The following TNFSF4 variants were observed in gnomAD, a reference collection of about 807,000 sequenced individuals.
TNFSF4 encodes TNF superfamily member 4, also known as tumor necrosis factor ligand superfamily member 4.
Under a neutral mutation model 7.3 loss-of-function variants are expected in TNFSF4, and 4 were observed. The ratio of observed to expected loss-of-function variants is 0.55; its 90% CI spans 0.27 to 1.25. The LOEUF (loss-of-function observed/expected upper bound fraction) is 1.25. Among genes scored for constraint, TNFSF4 ranks in the 50% most tolerant of loss-of-function variants. TNFSF4 has a pLI of 0.12. For synonymous variants in TNFSF4, 76 were observed against 83.7 expected (o/e 0.91, Z 0.50); for missense variants, 181 against 208.8 (o/e 0.87, Z 0.82).
intron 1 of TNFSF4, chr1:173,205,263 C>A: frequency 6.2e-7 from 1 of 1,605,214 alleles, no homozygotes; most frequent in Non-Finnish European, 8.5e-7. Flanking sequence ...TTGCTTCCAT[C>A]TCTGTGCCAG....
chr1:173,418,262 C>T, the TNFSF4 span: 1 of 152,222 alleles, frequency 6.6e-6, no homozygotes. Context: ...TATGAATGAA[C>T]CTGAACGTCT....
the TNFSF4 span, among the ~76,000 whole-genome samples, chr1:173,434,253 G>C: frequency 6.6e-6 from 1 of 152,104 alleles, no homozygotes; most frequent in Non-Finnish European, 1.5e-5. Context: ...ATATTTTCTT[G>C]TCTTGTATCT....
chr1:173,326,471 CT>C, the TNFSF4 span, among the ~76,000 whole-genome samples: 1 of 152,142 alleles, frequency 6.6e-6, no homozygotes, highest in Non-Finnish European at 1.5e-5. Flanking sequence ...CAGGGATGCC[CT>C]CTCTCACCAC....
the TNFSF4 span, among the ~76,000 whole-genome samples, chr1:173,380,079 G>A: frequency 6.6e-6 from 1 of 152,172 alleles, no homozygotes; most frequent in Admixed American, 6.5e-5. Flanking sequence ...CCTTCTCAGT[G>A]TTAATCTCCT....
intron 1 of TNFSF4, among the ~76,000 whole-genome samples, chr1:173,198,051 C>T (rs1012589351): frequency 2.6e-5 from 4 of 152,140 alleles, no homozygotes; most frequent in African/African-American, 9.7e-5. Flanking sequence ...GAAATTGGCC[C>T]ATTCATCCTT....
the TNFSF4 span, among the ~76,000 whole-genome samples, chr1:173,177,620 A>G: frequency 2.6e-5 from 4 of 152,204 alleles, no homozygotes; most frequent in Non-Finnish European, 4.4e-5. Flanking sequence ...TGCAGATTCT[A>G]TATGGGAATT....
the TNFSF4 span, among the ~76,000 whole-genome samples, chr1:173,315,637 T>G: frequency 6.6e-6 from 1 of 152,182 alleles, no homozygotes; most frequent in African/African-American, 2.4e-5. Flanking sequence ...AAACGGAATC[T>G]TTGGCAATTT....
At chr1:173,173,755 A>ATGTC in the TNFSF4 span, among the ~76,000 whole-genome samples, 1 of 152,246 alleles carries the variant, frequency 6.6e-6, no homozygotes, top group African/African-American at 2.4e-5. Context: ...CAGCTGGGAC[A>ATGTC]CAGGGCACCA....
the TNFSF4 span, among the ~76,000 whole-genome samples, chr1:173,177,265 A>T: frequency 3.3e-4 from 51 of 152,338 alleles, no homozygotes; most frequent in African/African-American, 1.2e-3. Flanking sequence ...TTTGGCTGTA[A>T]AAAAGAACAA....
At chr1:173,392,876 C>G in the TNFSF4 span, among the ~76,000 whole-genome samples, 1 of 152,128 alleles carries the variant, frequency 6.6e-6, no homozygotes, top group Admixed American at 6.6e-5. Context: ...ATTACAACTC[C>G]TTAAAGAAGG....
chr1:173,433,372 A>G, the TNFSF4 span, among the ~76,000 whole-genome samples: 2 of 152,150 alleles, frequency 1.3e-5, no homozygotes, highest in Admixed American at 1.3e-4. Flanking sequence ...CCGAACAAGG[A>G]ATAAATAAGT....
chr1:173,251,083 T>C, the TNFSF4 span, among the ~76,000 whole-genome samples: 3 of 152,180 alleles, frequency 2.0e-5, no homozygotes, highest in African/African-American at 7.2e-5. Context: ...TCTTAAGCCC[T>C]ACAGGTGATT....
chr1:173,286,647 GA>G, the TNFSF4 span, among the ~76,000 whole-genome samples: 12 of 151,780 alleles, frequency 7.9e-5, no homozygotes, highest in Admixed American at 7.9e-4. Context: ...TATTCTAATA[GA>G]AAAAAATAAA....
the TNFSF4 span, among the ~76,000 whole-genome samples, chr1:173,275,661 G>A: frequency 3.3e-5 from 5 of 152,182 alleles, no homozygotes; most frequent in East Asian, 5.8e-4. Flanking sequence ...AGTTAATGCC[G>A]GCTTTCACAC....
chr1:173,284,888 A>C, the TNFSF4 span, among the ~76,000 whole-genome samples: 3 of 152,154 alleles, frequency 2.0e-5, no homozygotes, highest in Admixed American at 6.6e-5. Flanking sequence ...CAAGAAGACA[A>C]ATGTTGTTTT....
the TNFSF4 span, among the ~76,000 whole-genome samples, chr1:173,283,768 A>T: frequency 2.0e-5 from 3 of 152,122 alleles, no homozygotes; most frequent in Non-Finnish European, 2.9e-5. Flanking sequence ...CATATAGGTA[A>T]ATCTAAACAT....
At chr1:173,323,044 C>T in the TNFSF4 span, among the ~76,000 whole-genome samples, 10,061 of 152,244 alleles carry the variant, frequency 0.066, 512 homozygotes, top group Non-Finnish European at 0.098. Context: ...AGTAGTGGTT[C>T]TCCCAGCATG....
At chr1:173,231,876 G>T in the TNFSF4 span, among the ~76,000 whole-genome samples, 3 of 152,018 alleles carry the variant, frequency 2.0e-5, no homozygotes, top group Non-Finnish European at 4.4e-5. Flanking sequence ...GCTTCAAAGA[G>T]AATAAAATAA....
the TNFSF4 span, among the ~76,000 whole-genome samples, chr1:173,410,357 C>A: frequency 1.3e-5 from 2 of 152,182 alleles, no homozygotes; most frequent in Admixed American, 6.5e-5. Context: ...GACTAACCTA[C>A]AAAGAAGCTC....
Sources: allele counts gnomAD v4.1 joint callset (sites outside exome capture counted in the v4.1 genomes callset), GRCh38; gene constraint gnomAD v4.1.1; transcripts MANE v1.5; gene names NCBI Gene and HGNC (gene_info 2026-07-23, HGNC 2026-07-21).